UBXN2A: variants seen among roughly 807,000 people sequenced by gnomAD.
UBXN2A encodes UBX domain protein 2A, also known as UBX domain-containing protein 2A.
In UBXN2A, 28 loss-of-function variants were observed where a neutral mutation model predicts 28.4. The observed-to-expected ratio is 0.99, with a 90% CI of 0.73 to 1.35. The LOEUF is 1.35. Among genes scored for constraint, UBXN2A ranks in the 40% most tolerant of loss-of-function variants. The probability of loss-of-function intolerance (pLI) is 0.00; values close to 1 mark genes in which losing one functional copy is unlikely to be tolerated. For missense variants in UBXN2A, 253 were observed against 297.9 expected, an observed-to-expected ratio of 0.85 and a Z score of 1.11; for synonymous variants, 97 against 103.6, an observed-to-expected ratio of 0.94 and a Z score of 0.39.
At chr2:23,979,023 G>T (rs116084570) in intron 4 of UBXN2A, among the ~76,000 whole-genome samples, 189 of 151,828 alleles carry the variant, frequency 1.2e-3, no homozygotes, top group African/African-American at 4.4e-3. Context: ...ATACATGCTT[G>T]GTCTAGAAAA....
chr2:23,928,874 C>A (rs1414490745), intron 1 of UBXN2A, among the ~76,000 whole-genome samples: 1 of 152,174 alleles, frequency 6.6e-6, no homozygotes, highest in Non-Finnish European at 1.5e-5. Flanking sequence ...ACTTCACCTG[C>A]CACTTAGAGT....
chr2:23,946,143 TTTTG>T (rs1338930511), intron 1 of UBXN2A, among the ~76,000 whole-genome samples: 2 of 152,124 alleles, frequency 1.3e-5, no homozygotes, highest in East Asian at 1.9e-4. Flanking sequence ...CATTTAATTC[TTTTG>T]TTTATTTATT....
chr2:23,984,332 C>A (rs1708036838), intron 5 of UBXN2A, among the ~76,000 whole-genome samples: 1 of 152,038 alleles, frequency 6.6e-6, no homozygotes, highest in Admixed American at 6.6e-5. Context: ...CTTATAATTT[C>A]TTCTAGAAAT....
intron 1 of UBXN2A, among the ~76,000 whole-genome samples, chr2:23,950,864 C>T (rs1706330294): frequency 6.6e-6 from 1 of 151,422 alleles, no homozygotes; most frequent in Non-Finnish European, 1.5e-5. Context: ...CCACCACACC[C>T]ATGCGTGGTT....
intron 4 of UBXN2A, among the ~76,000 whole-genome samples, chr2:23,977,836 AT>A (rs1208665442): frequency 5.3e-5 from 8 of 149,832 alleles, no homozygotes; most frequent in South Asian, 4.2e-4. Context: ...CACAACTACA[AT>A]TTTTTTTTTC....
chr2:23,960,789 T>C (rs1297812963), intron 2 of UBXN2A, among the ~76,000 whole-genome samples: 1 of 151,738 alleles, frequency 6.6e-6, no homozygotes, highest in Non-Finnish European at 1.5e-5. Flanking sequence ...CGCACCACCA[T>C]GCTCAGCTAA....
At chr2:23,953,049 T>C (rs1706452035) in intron 1 of UBXN2A, among the ~76,000 whole-genome samples, 3 of 152,124 alleles carry the variant, frequency 2.0e-5, no homozygotes, top group Admixed American at 6.6e-5. Flanking sequence ...TGGATACACA[T>C]TGCTTTTCAC....
intron 4 of UBXN2A, among the ~76,000 whole-genome samples, chr2:23,978,926 G>A (rs895854227): frequency 2.6e-5 from 4 of 151,490 alleles, no homozygotes; most frequent in African/African-American, 9.7e-5. Context: ...TCACAGCACT[G>A]CACCCCAGCC....
intron 1 of UBXN2A, among the ~76,000 whole-genome samples, chr2:23,950,378 ATATTT>A (rs1272762764): frequency 6.6e-5 from 10 of 151,956 alleles, no homozygotes; most frequent in African/African-American, 9.7e-5. Context: ...AACTATGGAA[ATATTT>A]TATTTTATTT....
intron 6 of UBXN2A, among the ~76,000 whole-genome samples, chr2:23,993,218 G>C (rs542618147): frequency 7.2e-5 from 11 of 152,308 alleles, no homozygotes; most frequent in African/African-American, 2.6e-4. Flanking sequence ...TGGGAATGGG[G>C]ATTTGTTATT....
intron 6 of UBXN2A, chr2:23,996,733 C>T (rs1573614352): frequency 6.6e-6 from 1 of 151,344 alleles, no homozygotes; most frequent in Non-Finnish European, 1.5e-5. Flanking sequence ...CCTCAGCCTC[C>T]CAAAGTGCTG....
intron 2 of UBXN2A, among the ~76,000 whole-genome samples, chr2:23,967,699 T>G (rs773997923): frequency 6.6e-6 from 1 of 152,168 alleles, no homozygotes; most frequent in African/African-American, 2.4e-5. Context: ...GTGACTATGC[T>G]GATTAAAGGA....
chr2:23,990,699 A>C lies in UBXN2A; in HGVS notation c.584+5868A>C, dbSNP rs566862384. On this transcript the variant is annotated intron_variant, in intron 6 of 6. Coordinates refer to ENST00000309033, the MANE Select transcript of UBXN2A (RefSeq NM_181713.4). The stretch of plus-strand genomic sequence containing the variant: ...TGAAGCAGGAGAATGGCTTGAACCC[A>C]GGAGGTGGAGGTTGCAGTGAGCTGA... 4.9e-3 allele frequency among the ~76,000 whole-genome samples: 746 copies of C among 151,628 alleles called. 8 individuals carry two copies. The highest frequency in any genetic ancestry group is 0.017 in the African/African-American group (719 of 41,374).
intron 1 of UBXN2A, among the ~76,000 whole-genome samples, chr2:23,941,863 A>G (rs1705773962): frequency 6.6e-6 from 1 of 152,186 alleles, no homozygotes; most frequent in Non-Finnish European, 1.5e-5. Flanking sequence ...ACCTGAGGTC[A>G]GCAGTTCTAG....
chr2:23,976,894 A>C, intron 3 of UBXN2A, 75 bp from the exon 4 acceptor site: 1 of 1,301,628 alleles, frequency 7.7e-7, no homozygotes, highest in Non-Finnish European at 1.1e-6. Context: ...ATAGTGATAG[A>C]AGAAATTTTC....
At chr2:23,975,246 G>A (rs1707606726) in intron 3 of UBXN2A, among the ~76,000 whole-genome samples, 1 of 152,088 alleles carries the variant, frequency 6.6e-6, no homozygotes, top group African/African-American at 2.4e-5. Flanking sequence ...ATGAAAAGAT[G>A]GTTGGTAAGT....
intron 5 of UBXN2A, among the ~76,000 whole-genome samples, chr2:23,984,111 CCTAT>C (rs1215963197): frequency 2.0e-5 from 3 of 152,274 alleles, no homozygotes; most frequent in Admixed American, 6.5e-5. Context: ...CAGTTTCCAT[CCTAT>C]CTAACAGAAT....
chr2:23,938,771 T>C (rs1458635185), upstream of UBXN2A, among the ~76,000 whole-genome samples: 1 of 152,120 alleles, frequency 6.6e-6, no homozygotes, highest in African/African-American at 2.4e-5. Context: ...ATCAATGGAA[T>C]AGAATTGAGA....
chr2:23,961,821 C>T (rs1182538316), intron 2 of UBXN2A, among the ~76,000 whole-genome samples: 1 of 150,502 alleles, frequency 6.6e-6, no homozygotes, highest in Non-Finnish European at 1.5e-5. Context: ...GCTGGGATTA[C>T]AGGTGTGAAC....
Sources: gnomAD v4.1 joint callset for allele counts (sites outside exome capture counted in the v4.1 genomes callset) on GRCh38, gnomAD v4.1.1 for gene constraint, MANE v1.5 for transcripts, NCBI Gene and HGNC (gene_info 2026-07-23, HGNC 2026-07-21) for gene names.